The following ZFAT variants were observed in gnomAD, a reference collection of about 807,000 sequenced individuals.
The protein encoded by ZFAT is zinc finger and AT-hook domain containing.
Under a neutral mutation model 117.7 loss-of-function variants are expected in ZFAT, and 64 were observed. The ratio of observed to expected loss-of-function variants is 0.54; its 90% CI spans 0.44 to 0.67. The LOEUF (loss-of-function observed/expected upper bound fraction) is 0.67. Among genes scored for constraint, ZFAT ranks in the 30% least tolerant of loss-of-function variants. The pLI is 0.00. For missense variants in ZFAT, 1,433 were observed against 1,584.5 expected, an observed-to-expected ratio of 0.90 and a Z score of 1.62; for synonymous variants, 679 against 615.0, an observed-to-expected ratio of 1.10 and a Z score of -1.54.
chr8:134,775,460 T>C, the ZFAT span, among the ~76,000 whole-genome samples: 2 of 152,218 alleles, frequency 1.3e-5, no homozygotes. Flanking sequence ...GGTTCCTTCA[T>C]GTTTCTACCT....
intron 10 of ZFAT, among the ~76,000 whole-genome samples, chr8:134,571,776 G>T (rs6998237): frequency 0.59 from 90,027 of 152,020 alleles, 27,434 homozygotes; most frequent in East Asian, 0.89. Context: ...TAAATAAAAA[G>T]TATAACATGG....
chr8:134,669,155 G>A (rs1832418989), intron 1 of ZFAT, among the ~76,000 whole-genome samples: 2 of 152,174 alleles, frequency 1.3e-5, no homozygotes, highest in Admixed American at 6.5e-5. Context: ...CGGGGAGAAT[G>A]GAACCAAGGT....
At chr8:134,784,985 G>T in the ZFAT span, 6 of 152,082 alleles carry the variant, frequency 3.9e-5, no homozygotes, top group Admixed American at 1.3e-4. Flanking sequence ...ACCTAAATAT[G>T]ATGCAAAACT....
At chr8:134,744,892 GCTA>G in the ZFAT span, among the ~76,000 whole-genome samples, 1 of 151,856 alleles carries the variant, frequency 6.6e-6, no homozygotes, top group Non-Finnish European at 1.5e-5. Flanking sequence ...ACCAGGCCCG[GCTA>G]CTTTTTCGTA....
intron 2 of ZFAT, among the ~76,000 whole-genome samples, chr8:134,645,635 A>G (rs1341213866): frequency 1.3e-5 from 2 of 152,248 alleles, no homozygotes; most frequent in Non-Finnish European, 2.9e-5. Flanking sequence ...ACATCAAATC[A>G]GCTGGGCCTA....
intron 1 of ZFAT, among the ~76,000 whole-genome samples, chr8:134,671,983 A>G (rs1163593588): frequency 6.6e-6 from 1 of 152,260 alleles, no homozygotes; most frequent in Non-Finnish European, 1.5e-5. Flanking sequence ...GAGCCAAATC[A>G]TGAGTGAACT....
At chr8:134,827,532 C>T in the ZFAT span, among the ~76,000 whole-genome samples, 1 of 151,960 alleles carries the variant, frequency 6.6e-6, no homozygotes, top group Admixed American at 6.6e-5. Context: ...CTTTGGGGGG[C>T]CCAGGAGGGC....
chr8:134,674,310 G>T (rs1243278445), intron 1 of ZFAT, among the ~76,000 whole-genome samples: 3 of 152,184 alleles, frequency 2.0e-5, no homozygotes, highest in African/African-American at 7.2e-5. Flanking sequence ...TGGCTCGGCA[G>T]GTCCCACCCC....
intron 1 of ZFAT, among the ~76,000 whole-genome samples, chr8:134,689,027 C>T (rs1225961767): frequency 6.6e-6 from 1 of 152,190 alleles, no homozygotes; most frequent in Non-Finnish European, 1.5e-5. Flanking sequence ...TTACTAACAT[C>T]ACACTGAGGT....
chr8:134,676,067 A>G (rs1179562182), intron 1 of ZFAT, among the ~76,000 whole-genome samples: 3 of 152,168 alleles, frequency 2.0e-5, no homozygotes, highest in Admixed American at 6.5e-5. Context: ...CAGCATCATA[A>G]TGACAGGATC....
chr8:134,766,563 A>G, the ZFAT span: 1 of 152,096 alleles, frequency 6.6e-6, no homozygotes, highest in African/African-American at 2.4e-5. Flanking sequence ...TTTTCAATTT[A>G]TTATTTACAT....
the ZFAT span, among the ~76,000 whole-genome samples, chr8:134,818,902 A>G: frequency 6.6e-6 from 1 of 152,224 alleles, no homozygotes; most frequent in Non-Finnish European, 1.5e-5. Context: ...AAAACAGATA[A>G]TGGTTGCCTA....
chr8:134,635,215 C>T (rs755984126), intron 3 of ZFAT, among the ~76,000 whole-genome samples: 4 of 152,182 alleles, frequency 2.6e-5, no homozygotes, highest in Non-Finnish European at 5.9e-5. Flanking sequence ...GGAACGGCCA[C>T]AGACCCAGCT....
the ZFAT span, chr8:134,765,675 AC>A: frequency 2.6e-5 from 4 of 151,548 alleles, no homozygotes; most frequent in Non-Finnish European, 4.4e-5. Flanking sequence ...AATTCCCAAT[AC>A]TTTACCACCA....
At chr8:134,808,087 A>C in the ZFAT span, among the ~76,000 whole-genome samples, 1 of 150,390 alleles carries the variant, frequency 6.6e-6, no homozygotes, top group African/African-American at 2.4e-5. Context: ...TTACAGATGA[A>C]GAAGAAGGTA....
rs146810358 is a variant in ZFAT at position 134,494,644 on chromosome 8, C to T, written c.3492+14975G>A. Among the ~76,000 whole-genome samples, 343 of 152,294 alleles carry T rather than the reference C, an allele frequency of 2.3e-3. 2 individuals carry two copies. The highest frequency in any genetic ancestry group is 7.7e-3 in the African/African-American group (322 of 41,566). On this transcript the variant is annotated intron_variant, in intron 15 of 15. Transcript: ENST00000377838. Reference sequence around the variant, plus strand: ...AAAACGGAGCTGGCAGGACCCAGGTCGTATTCCTCCCTGGATAACCACAGA... The same window carrying T: ...AAAACGGAGCTGGCAGGACCCAGGTTGTATTCCTCCCTGGATAACCACAGA...
At chr8:134,654,928 TG>T (rs1431143624) in intron 2 of ZFAT, among the ~76,000 whole-genome samples, 2 of 152,158 alleles carry the variant, frequency 1.3e-5, no homozygotes, top group Non-Finnish European at 2.9e-5. Context: ...AGTCTAGTTG[TG>T]GGGTTCTGGG....
Position 134,602,758 on chromosome 8 carries a change from G to T in ZFAT, c.961C>A (p.His321Asn). 3 of 1,613,766 alleles carry T rather than the reference G, an allele frequency of 1.9e-6. No individual in the cohort carries two copies. The highest frequency in any genetic ancestry group is 2.5e-6 in the Non-Finnish European group (3 of 1,179,696). ...KANLNVHLRK[H>N]TGEKFACDYC... is the part of the protein sequence containing the mutation. The stretch of plus-strand genomic sequence containing the variant: ...TCGCAGGCGAACTTCTCTCCAGTGT[G>T]CTTGCGCAGGTGCACATTGAGGTTG... The change falls in exon 6 of 16, where the codon CAC becomes AAC. Residue 321 changes from histidine to asparagine, a missense_variant. His to Asn is a moderately conservative substitution (Grantham distance 68). Around this residue, in one of 5 missense-constraint regions of ZFAT, gnomAD observed 436 missense variants for 482.0 expected, o/e 0.90. Coordinates refer to ENST00000377838, the MANE Select transcript of ZFAT (RefSeq NM_020863.4).
intron 15 of ZFAT, among the ~76,000 whole-genome samples, chr8:134,481,314 TC>T (rs895644554): frequency 2.0e-5 from 3 of 152,186 alleles, no homozygotes; most frequent in Non-Finnish European, 4.4e-5. Flanking sequence ...GATGGTTTAC[TC>T]CCAGGTCCCC....
Sources: gnomAD v4.1 joint callset for allele counts (sites outside exome capture counted in the v4.1 genomes callset) on GRCh38, gnomAD v4.1.1 for gene constraint, gnomAD v4.1.1 regional missense constraint, MANE v1.5 for transcripts, NCBI Gene and HGNC (gene_info 2026-07-23, HGNC 2026-07-21) for gene names.